PTPRT: variants seen among roughly 807,000 people sequenced by gnomAD.
The protein encoded by PTPRT is protein tyrosine phosphatase receptor type T.
A neutral mutation model predicts 176.8 loss-of-function variants in PTPRT; 56 were observed. That is an observed-to-expected ratio of 0.32 (90% CI 0.26 to 0.40). The LOEUF (loss-of-function observed/expected upper bound fraction) is 0.40, where lower values mean the gene tolerates loss of function less well. Ranked by LOEUF, PTPRT falls within the 10% of genes least tolerant of loss-of-function variation. PTPRT has a pLI of 1.00. For missense variants in PTPRT, 1,540 were observed against 1,908.2 expected (o/e 0.81, Z 3.60); for synonymous variants, 783 against 739.0 (o/e 1.06, Z -0.96).
At chr20:42,709,125 C>T (rs1473384157) in intron 6 of PTPRT, among the ~76,000 whole-genome samples, 6 of 152,212 alleles carry the variant, frequency 3.9e-5, no homozygotes, top group Non-Finnish European at 7.3e-5. Flanking sequence ...TACAAAGGAC[C>T]TAAGGTCCTT....
intron 7 of PTPRT, among the ~76,000 whole-genome samples, chr20:42,567,743 G>A (rs751317928): frequency 3.9e-4 from 59 of 152,296 alleles, no homozygotes; most frequent in Non-Finnish European, 6.9e-4. Flanking sequence ...AGATGTAGGG[G>A]ATGATTAATC....
At chr20:43,081,841 A>G (rs941611398) in intron 1 of PTPRT, among the ~76,000 whole-genome samples, 5 of 152,116 alleles carry the variant, frequency 3.3e-5, no homozygotes, top group African/African-American at 1.2e-4. Flanking sequence ...TCTGTTTCCA[A>G]GAAAATTATA....
chr20:42,286,379 G>T (rs2057231032), intron 12 of PTPRT, among the ~76,000 whole-genome samples: 2 of 151,940 alleles, frequency 1.3e-5, no homozygotes, highest in South Asian at 4.1e-4. Context: ...CATAAAAACA[G>T]ACACATAAAC....
At position 42,075,179 on chromosome 20, in the gene PTPRT, C is replaced by T. The variant is rs1237780966; in HGVS notation, c.*5700G>A. On this transcript the variant is annotated 3_prime_UTR_variant, in exon 31 of 31. Transcript: ENST00000373187. ...AACAAATCTGAATCTCAGCTTGTCT[C>T]TTCTAGTTGGATTTACTTTTCCTAT... 1 of 273,408 alleles carries T rather than the reference C, an allele frequency of 3.7e-6. No homozygotes were observed. Among genetic ancestry groups the T allele is most frequent in the African/African-American group, 2.1e-5 (1 of 46,538 alleles). 16.9% of individuals were successfully genotyped at this position (273,408 alleles called of 1,614,324 possible). A position where few individuals can be genotyped will look rare whatever the true frequency, so the allele number is the denominator to read the frequency against.
intron 2 of PTPRT, among the ~76,000 whole-genome samples, chr20:42,864,352 G>A (rs907027349): frequency 6.6e-6 from 1 of 152,294 alleles, no homozygotes; most frequent in East Asian, 1.9e-4. Flanking sequence ...GGAGAGGGGA[G>A]AGAGGAGAGG....
intron 17 of PTPRT, among the ~76,000 whole-genome samples, chr20:42,145,378 T>C (rs1276842575): frequency 6.6e-6 from 1 of 152,152 alleles, no homozygotes; most frequent in Admixed American, 6.5e-5. Flanking sequence ...CACATGCCTG[T>C]ACTCTCAGCT....
chr20:42,438,196 T>C (rs1601024850), intron 9 of PTPRT, among the ~76,000 whole-genome samples: 1 of 152,322 alleles, frequency 6.6e-6, no homozygotes. Flanking sequence ...CCCTGACAAA[T>C]GCAGAACTCA....
intron 2 of PTPRT, among the ~76,000 whole-genome samples, chr20:42,826,025 G>A (rs1160592514): frequency 2.6e-5 from 4 of 151,978 alleles, no homozygotes; most frequent in Non-Finnish European, 5.9e-5. Context: ...TCTGCCATGC[G>A]ACCAGATGCC....
chr20:42,893,534 T>A (rs1203084807), intron 1 of PTPRT, among the ~76,000 whole-genome samples: 1 of 151,606 alleles, frequency 6.6e-6, no homozygotes, highest in Non-Finnish European at 1.5e-5. Flanking sequence ...GGACTATAAA[T>A]CATGCTGCTA....
chr20:43,132,009 T>TACAC (rs537036668), intron 1 of PTPRT, among the ~76,000 whole-genome samples: 5 of 150,508 alleles, frequency 3.3e-5, no homozygotes, highest in African/African-American at 9.8e-5. Context: ...ATGAAAAATT[T>TACAC]ACACACACAC....
chr20:42,251,132 A>T (rs1009066826), intron 13 of PTPRT, among the ~76,000 whole-genome samples: 7 of 152,212 alleles, frequency 4.6e-5, no homozygotes, highest in Non-Finnish European at 1.0e-4. Context: ...AATTTCCTCA[A>T]TATTGATAGA....
At chr20:42,440,208 C>G (rs1161563692) in intron 9 of PTPRT, among the ~76,000 whole-genome samples, 1 of 151,928 alleles carries the variant, frequency 6.6e-6, no homozygotes, top group Non-Finnish European at 1.5e-5. Flanking sequence ...CCAGGCCAAA[C>G]TAGACTTTAT....
chr20:42,963,565 T>C (rs565032880), intron 1 of PTPRT, among the ~76,000 whole-genome samples: 25 of 151,936 alleles, frequency 1.6e-4, no homozygotes, highest in African/African-American at 5.6e-4. Flanking sequence ...TATACAGTTA[T>C]AGAAAGAATA....
chr20:42,225,465 A>G (rs2055984419), intron 15 of PTPRT, among the ~76,000 whole-genome samples: 1 of 152,156 alleles, frequency 6.6e-6, no homozygotes, highest in Non-Finnish European at 1.5e-5. Flanking sequence ...AAGTAGTATA[A>G]ATAGGATTCA....
chr20:42,050,930 C>G, the PTPRT span, among the ~76,000 whole-genome samples: 1 of 152,236 alleles, frequency 6.6e-6, no homozygotes, highest in African/African-American at 2.4e-5. Flanking sequence ...GAAAATAGCC[C>G]TCCCTATTGA....
At chr20:42,717,919 T>C (rs1037725152) in intron 6 of PTPRT, among the ~76,000 whole-genome samples, 1 of 152,226 alleles carries the variant, frequency 6.6e-6, no homozygotes, top group African/African-American at 2.4e-5. Context: ...ATGTAAAGGT[T>C]GCTCAATTTC....
At chr20:42,852,977 G>T (rs1246637814) in intron 2 of PTPRT, among the ~76,000 whole-genome samples, 2 of 152,210 alleles carry the variant, frequency 1.3e-5, no homozygotes, top group Non-Finnish European at 2.9e-5. Flanking sequence ...GCCCAGCAAA[G>T]ATGTTCAAGT....
chr20:43,053,914 C>T (rs1303456839), intron 1 of PTPRT, among the ~76,000 whole-genome samples: 1 of 152,192 alleles, frequency 6.6e-6, no homozygotes, highest in East Asian at 1.9e-4. Context: ...ACATATTTCT[C>T]AATAACTTAG....
chr20:42,090,909 C>A (rs1406201295), intron 27 of PTPRT, among the ~76,000 whole-genome samples: 2 of 152,198 alleles, frequency 1.3e-5, no homozygotes, highest in African/African-American at 4.8e-5. Flanking sequence ...AGAGTCTAGA[C>A]CAACTGACTT....
Sources: allele counts gnomAD v4.1 joint callset (sites outside exome capture counted in the v4.1 genomes callset), GRCh38; gene constraint gnomAD v4.1.1; transcripts MANE v1.5; gene names NCBI Gene and HGNC (gene_info 2026-07-23, HGNC 2026-07-21).